The following USP28 variants were observed in gnomAD, a reference collection of about 807,000 sequenced individuals.
The protein encoded by USP28 is ubiquitin carboxyl-terminal hydrolase 28.
USP28 carries 113 observed loss-of-function variants against 145.0 expected under a neutral mutation model. The ratio of observed to expected loss-of-function variants is 0.78; its 90% CI spans 0.67 to 0.91. USP28 has a LOEUF of 0.91. Ranked by LOEUF, USP28 falls within the 40% of genes least tolerant of loss-of-function variation. The pLI, the probability that USP28 is intolerant of heterozygous loss-of-function variation, is 0.00. For synonymous variants in USP28, 447 were observed against 450.9 expected (o/e 0.99, Z 0.11); for missense variants, 1,201 against 1,289.6 (o/e 0.93, Z 1.05).
At chr11:113,815,206 C>T (rs1403357297) in exon 14 of USP28, 1 of 1,614,200 alleles carries the variant, frequency 6.2e-7, no homozygotes, top group African/African-American at 1.3e-5. Flanking sequence ...ACTCCTCCAT[C>T]TCTGAAGACA....
chr11:113,805,712 G>C (rs1939834226), intron 19 of USP28, among the ~76,000 whole-genome samples: 1 of 152,122 alleles, frequency 6.6e-6, no homozygotes, highest in Admixed American at 6.6e-5. Context: ...TAAAAACACA[G>C]CCTACTTTGT....
chr11:113,819,967 G>A (rs1394749376), intron 12 of USP28, among the ~76,000 whole-genome samples: 1 of 152,078 alleles, frequency 6.6e-6, no homozygotes, highest in East Asian at 1.9e-4. Context: ...GATCCACCGC[G>A]CCCGGCCAGA....
At chr11:113,804,597 T>A in intron 21 of USP28, 76 bp downstream of exon 22, 1 of 1,325,396 alleles carries the variant, frequency 7.5e-7, no homozygotes, top group Non-Finnish European at 1.1e-6. Flanking sequence ...AGCACAAAAT[T>A]GTTTATTTTG....
intron 24 of USP28, among the ~76,000 whole-genome samples, chr11:113,801,046 T>C (rs1182544037): frequency 6.6e-6 from 1 of 152,158 alleles, no homozygotes; most frequent in Non-Finnish European, 1.5e-5. Flanking sequence ...TTTCGCCTTG[T>C]TGGCCAGACT....
At chr11:113,842,668 C>G (rs4936283) in intron 3 of USP28, among the ~76,000 whole-genome samples, 66,892 of 151,248 alleles carry the variant, frequency 0.44, 16,224 homozygotes, top group South Asian at 0.56. Flanking sequence ...AATTCACTAT[C>G]TTAACAGTTA....
Position 113,845,435 on chromosome 11 carries a change from CA to C in USP28, c.269-3668del, listed in dbSNP as rs199960425. On this transcript the variant is annotated intron_variant, in intron 3 of 24. Coordinates refer to ENST00000003302, the Ensembl canonical transcript of USP28. The stretch of plus-strand genomic sequence containing the variant: ...TGGGCGAAAGGTAAAGACCCTGTCT[CA>C]AAAAAAAAAATTAATAAATAAATAA... Among the ~76,000 whole-genome samples, 776 of 143,562 alleles carry C rather than the reference CA, an allele frequency of 5.4e-3. 2 individuals carry two copies. Among genetic ancestry groups the C allele is most frequent in the African/African-American group, 7.8e-3 (303 of 39,054 alleles). The allele number at this position is 143,562 out of a possible 152,430, so 94.2% of individuals were successfully genotyped here.
chr11:113,862,671 G>A (rs1427716086), intron 1 of USP28, among the ~76,000 whole-genome samples: 4 of 152,122 alleles, frequency 2.6e-5, no homozygotes. Context: ...AAAGAATGAA[G>A]AGAGAAAGCT....
At chr11:113,807,674 A>G (rs1042424258) in intron 18 of USP28, among the ~76,000 whole-genome samples, 3 of 152,160 alleles carry the variant, frequency 2.0e-5, no homozygotes, top group Non-Finnish European at 4.4e-5. Flanking sequence ...AATACCAAAA[A>G]GGGAACTTAA....
chr11:113,807,093 G>A (rs1940114725), intron 18 of USP28, among the ~76,000 whole-genome samples: 1 of 150,410 alleles, frequency 6.6e-6, no homozygotes, highest in African/African-American at 2.4e-5. Flanking sequence ...TTTTTTGGGA[G>A]ACAGAGTCTC....
chr11:113,827,134 C>T, intron 11 of USP28, 99 bp downstream of exon 11: 2 of 1,406,758 alleles, frequency 1.4e-6, no homozygotes, highest in Non-Finnish European at 1.9e-6. Flanking sequence ...TGCATATTAT[C>T]ATGTCTCCCA....
chr11:113,856,241 A>T (rs1947037372), intron 1 of USP28, among the ~76,000 whole-genome samples: 1 of 152,240 alleles, frequency 6.6e-6, no homozygotes, highest in Admixed American at 6.5e-5. Context: ...CAAATCACAC[A>T]TAATTTTCTA....
At chr11:113,826,559 G>A (rs565639846) in intron 11 of USP28, among the ~76,000 whole-genome samples, 51 of 150,950 alleles carry the variant, frequency 3.4e-4, no homozygotes, top group African/African-American at 1.2e-3. Flanking sequence ...TGCCCTCCTC[G>A]TCCTCCCAAA....
At chr11:113,852,457 C>G in intron 3 of USP28, 44 bp downstream of exon 3, 4 of 1,609,700 alleles carry the variant, frequency 2.5e-6, no homozygotes, top group Non-Finnish European at 3.4e-6. Flanking sequence ...TTGTTATTTT[C>G]TGCTAGTTCA....
chr11:113,850,449 T>G (rs1469282472), intron 3 of USP28, among the ~76,000 whole-genome samples: 1 of 152,210 alleles, frequency 6.6e-6, no homozygotes, highest in Non-Finnish European at 1.5e-5. Context: ...ATCCTCAGCA[T>G]GGGTGAGTCT....
chr11:113,814,034 G>T, intron 14 of USP28, 79 bp from the exon 15 acceptor site: 3 of 1,045,968 alleles, frequency 2.9e-6, no homozygotes, highest in Non-Finnish European at 4.2e-6. Flanking sequence ...ACTAAGCAAA[G>T]AATATTGCTA....
intron 22 of USP28, among the ~76,000 whole-genome samples, chr11:113,803,511 A>C (rs763116148): frequency 6.6e-6 from 1 of 152,202 alleles, no homozygotes; most frequent in Admixed American, 6.5e-5. Context: ...AGAAATGCTC[A>C]CTAGGGTCTA....
chr11:113,846,343 A>C (rs569530751), intron 3 of USP28, among the ~76,000 whole-genome samples: 1 of 152,356 alleles, frequency 6.6e-6, no homozygotes, highest in African/African-American at 2.4e-5. Flanking sequence ...AAAAAAGAAG[A>C]AATACTGTCA....
intron 5 of USP28, among the ~76,000 whole-genome samples, chr11:113,838,795 G>A (rs147875846): frequency 1.7e-4 from 26 of 152,314 alleles, no homozygotes; most frequent in Admixed American, 3.3e-4. Context: ...ATGAGAGTAC[G>A]GGCTTTGTTT....
intron 5 of USP28, among the ~76,000 whole-genome samples, chr11:113,838,756 T>C (rs914232707): frequency 6.6e-5 from 10 of 152,262 alleles, no homozygotes; most frequent in African/African-American, 1.9e-4. Context: ...TTTTGTTTAC[T>C]GTCTGTGCCA....
Sources: gnomAD v4.1 joint callset for allele counts (sites outside exome capture counted in the v4.1 genomes callset) on GRCh38, gnomAD v4.1.1 for gene constraint, MANE v1.5 for transcripts, NCBI Gene and HGNC (gene_info 2026-07-23, HGNC 2026-07-21) for gene names.